SAMD8: variants seen among roughly 807,000 people sequenced by gnomAD.
The protein encoded by SAMD8 is sphingomyelin synthase-related protein 1.
In SAMD8, 20 loss-of-function variants were observed where a neutral mutation model predicts 42.0. That is an observed-to-expected ratio of 0.48 (90% CI 0.34 to 0.69). The LOEUF is 0.69. Ranked by LOEUF, SAMD8 falls within the 30% of genes least tolerant of loss-of-function variation. The pLI is 0.01. For synonymous variants in SAMD8, 162 were observed against 173.0 expected (o/e 0.94, Z 0.50); for missense variants, 328 against 511.6 (o/e 0.64, Z 3.46).
At chr10:75,149,372 A>G (rs1259897207) in intron 1 of SAMD8, among the ~76,000 whole-genome samples, 1 of 152,206 alleles carries the variant, frequency 6.6e-6, no homozygotes, top group Non-Finnish European at 1.5e-5. Flanking sequence ...TCTGCAGTAT[A>G]AAGTCTGGGT....
At chr10:75,118,609 A>G (rs1290407773) in intron 1 of SAMD8, among the ~76,000 whole-genome samples, 2 of 152,260 alleles carry the variant, frequency 1.3e-5, no homozygotes, top group African/African-American at 4.8e-5. Flanking sequence ...ACGCCGCTGC[A>G]TTCCAGCCTG....
intron 1 of SAMD8, among the ~76,000 whole-genome samples, chr10:75,105,205 G>C (rs568075684): frequency 4.1e-4 from 63 of 152,316 alleles, no homozygotes; most frequent in African/African-American, 1.4e-3. Flanking sequence ...CCAGACCTAG[G>C]GGGAAGGGGA....
intron 1 of SAMD8, chr10:75,105,610 A>G (rs1440087795): frequency 1.3e-6 from 2 of 1,484,752 alleles, no homozygotes; most frequent in Non-Finnish European, 1.8e-6. Context: ...CTAGGCCCTC[A>G]CCTGGCCTCT....
chr10:75,170,709 G>C (rs969193075), intron 4 of SAMD8, among the ~76,000 whole-genome samples: 1 of 149,362 alleles, frequency 6.7e-6, no homozygotes, highest in Non-Finnish European at 1.5e-5. Flanking sequence ...GTTAACAGTT[G>C]TGTGTATAGC....
At chr10:75,165,568 G>A (rs1840654646) in intron 3 of SAMD8, among the ~76,000 whole-genome samples, 1 of 151,970 alleles carries the variant, frequency 6.6e-6, no homozygotes, top group African/African-American at 2.4e-5. Context: ...TAACTTGGGA[G>A]GCTGAGGCAG....
chr10:75,175,790 C>T, intron 4 of SAMD8: 1 of 642,016 alleles, frequency 1.6e-6, no homozygotes, highest in Non-Finnish European at 1.9e-6. Flanking sequence ...ATCAGGTGAT[C>T]CACCCACCTC....
intron 1 of SAMD8, among the ~76,000 whole-genome samples, chr10:75,141,363 A>C (rs1248474410): frequency 6.6e-6 from 1 of 151,970 alleles, no homozygotes; most frequent in Non-Finnish European, 1.5e-5. Flanking sequence ...CAAAAAAAAA[A>C]AAAAAGAAAG....
At chr10:75,126,158 T>G (rs919227783) in intron 1 of SAMD8, among the ~76,000 whole-genome samples, 1 of 152,192 alleles carries the variant, frequency 6.6e-6, no homozygotes, top group Non-Finnish European at 1.5e-5. Context: ...TTCATCTCTA[T>G]CCACATAATT....
At chr10:75,152,929 G>T (rs1840325280) in intron 2 of SAMD8, among the ~76,000 whole-genome samples, 1 of 152,066 alleles carries the variant, frequency 6.6e-6, no homozygotes. Context: ...TCACATTTTT[G>T]ATTTTTAAAT....
chr10:75,101,119 G>T (rs1374572566), intron 1 of SAMD8, among the ~76,000 whole-genome samples: 2 of 152,192 alleles, frequency 1.3e-5, no homozygotes, highest in Non-Finnish European at 2.9e-5. Flanking sequence ...GGTGGCGTGT[G>T]GCTGCCAGTG....
chr10:75,148,345 G>GTTTTTTTTTTTTT (rs1564686963), intron 1 of SAMD8, among the ~76,000 whole-genome samples: 3 of 104,002 alleles, frequency 2.9e-5, no homozygotes, highest in African/African-American at 5.2e-5. Flanking sequence ...AGCAATACCA[G>GTTTTTTTTTTTTT]CTTTTTTTTT....
chr10:75,146,384 A>G (rs997136982), intron 1 of SAMD8, among the ~76,000 whole-genome samples: 1 of 146,454 alleles, frequency 6.8e-6, no homozygotes, highest in Non-Finnish European at 1.5e-5. Context: ...TCCCGGGTTC[A>G]AGCCATTCTT....
At chr10:75,128,394 TA>T (rs1355699736) in intron 1 of SAMD8, among the ~76,000 whole-genome samples, 1 of 152,028 alleles carries the variant, frequency 6.6e-6, no homozygotes, top group Non-Finnish European at 1.5e-5. Context: ...TAAATTTTAA[TA>T]AAAACAAGGT....
intron 1 of SAMD8, among the ~76,000 whole-genome samples, chr10:75,133,588 G>A (rs1296731499): frequency 6.6e-6 from 1 of 152,162 alleles, no homozygotes; most frequent in Non-Finnish European, 1.5e-5. Context: ...GAGAAAATGT[G>A]TGTATGTCTG....
intron 1 of SAMD8, among the ~76,000 whole-genome samples, chr10:75,119,984 G>A (rs565960860): frequency 9.2e-5 from 14 of 152,224 alleles, no homozygotes; most frequent in African/African-American, 3.4e-4. Flanking sequence ...AAGGGAATCG[G>A]TTTAACCTGG....
At chr10:75,152,250 C>T (rs1161005509) in intron 2 of SAMD8, among the ~76,000 whole-genome samples, 6 of 150,900 alleles carry the variant, frequency 4.0e-5, no homozygotes, top group South Asian at 2.1e-4. Context: ...GGGCCGGGCG[C>T]GGTGGCTCAC....
At chr10:75,151,161 A>G (rs970971066) in intron 2 of SAMD8, 55 bp downstream of exon 2, 12 of 856,280 alleles carry the variant, frequency 1.4e-5, no homozygotes, top group South Asian at 4.4e-5. Flanking sequence ...ATTAACAGCA[A>G]TGATACTATA....
At chr10:75,109,724 G>A (rs917072957), upstream of SAMD8, among the ~76,000 whole-genome samples, 2 of 152,190 alleles carry the variant, frequency 1.3e-5, no homozygotes, top group African/African-American at 4.8e-5. Flanking sequence ...ACAGTTTTCT[G>A]AGTTGTAGAG....
intron 1 of SAMD8, among the ~76,000 whole-genome samples, chr10:75,115,495 G>GT (rs1472691398): frequency 6.6e-6 from 1 of 152,142 alleles, no homozygotes; most frequent in Admixed American, 6.5e-5. Flanking sequence ...GTATGGATTT[G>GT]TAACAGACCT....
Sources: gnomAD v4.1 joint callset for allele counts (sites outside exome capture counted in the v4.1 genomes callset) on GRCh38, gnomAD v4.1.1 for gene constraint, MANE v1.5 for transcripts, NCBI Gene and HGNC (gene_info 2026-07-23, HGNC 2026-07-21) for gene names.